N4BP2L2: variants seen among roughly 807,000 people sequenced by gnomAD.
The protein encoded by N4BP2L2 is NEDD4 binding protein 2 like 2, also known as NEDD4-binding protein 2-like 2.
N4BP2L2 carries 50 observed loss-of-function variants against 56.2 expected under a neutral mutation model. That is an observed-to-expected ratio of 0.89 (90% confidence interval 0.71 to 1.13). The LOEUF (loss-of-function observed/expected upper bound fraction) is 1.13, where lower values mean the gene tolerates loss of function less well. Among genes scored for constraint, N4BP2L2 ranks in the 50% most tolerant of loss-of-function variants. The pLI, the probability that N4BP2L2 is intolerant of heterozygous loss-of-function variation, is 0.00. For missense variants in N4BP2L2, 689 were observed against 693.8 expected (o/e 0.99, Z 0.08); for synonymous variants, 203 against 223.6 (o/e 0.91, Z 0.82).
At chr13:32,518,070 T>C (rs2049671390) in intron 5 of N4BP2L2, 67 bp from the exon 6 acceptor site, 3 of 1,420,214 alleles carry the variant, frequency 2.1e-6, no homozygotes, top group African/African-American at 1.4e-5. Flanking sequence ...TTAACTGTTT[T>C]AGAGAAAAAG....
intron 6 of N4BP2L2, among the ~76,000 whole-genome samples, chr13:32,470,897 C>G (rs2082170514): frequency 6.6e-6 from 1 of 152,228 alleles, no homozygotes; most frequent in Admixed American, 6.5e-5. Context: ...GAAGAACATC[C>G]TCCCATTCTT....
intron 3 of N4BP2L2, chr13:32,523,479 G>C (rs1401843778): frequency 6.7e-6 from 1 of 149,950 alleles, no homozygotes; most frequent in Non-Finnish European, 1.5e-5. Flanking sequence ...AAGGTCAGCA[G>C]TTCAAGACCA....
intron 3 of N4BP2L2, chr13:32,522,978 C>A (rs529157571): frequency 1.3e-5 from 2 of 152,322 alleles, no homozygotes; most frequent in African/African-American, 4.8e-5. Flanking sequence ...CATAGTTCAA[C>A]TGACTTTGTG....
chr13:32,523,084 TATGAG>T (rs890670018), intron 3 of N4BP2L2: 2 of 152,298 alleles, frequency 1.3e-5, no homozygotes, highest in East Asian at 3.9e-4. Context: ...TCTTTTGCAC[TATGAG>T]ATAAGAATCA....
At chr13:32,450,600 A>G (rs956480112) in intron 6 of N4BP2L2, among the ~76,000 whole-genome samples, 1 of 150,908 alleles carries the variant, frequency 6.6e-6, no homozygotes, top group Admixed American at 6.6e-5. Context: ...CTGGGATTAG[A>G]GGCGTGAGCC....
At chr13:32,517,357 G>C in exon 6 of N4BP2L2, 7 of 987,932 alleles carry the variant, frequency 7.1e-6, no homozygotes, top group Non-Finnish European at 8.4e-6. Context: ...CCTGTCTAAT[G>C]AATAGAGAAA....
downstream of N4BP2L2, chr13:32,507,707 T>C (rs1020314004): frequency 3.9e-5 from 6 of 152,120 alleles, no homozygotes; most frequent in African/African-American, 1.4e-4. Context: ...CCAGTATAGA[T>C]GGACTGTAGT....
intron 6 of N4BP2L2, among the ~76,000 whole-genome samples, chr13:32,471,916 A>G (rs2082376893): frequency 6.6e-6 from 1 of 152,246 alleles, no homozygotes; most frequent in South Asian, 2.1e-4. Context: ...ACAACCTCAC[A>G]AAACGATATC....
chr13:32,527,593 C>CCA (rs1304713677), intron 2 of N4BP2L2, 61 bp from the exon 3 acceptor site: 2 of 1,533,412 alleles, frequency 1.3e-6, no homozygotes, highest in African/African-American at 2.1e-5. Flanking sequence ...CAGAAATAAA[C>CCA]TATCAGAAAT....
chr13:32,436,933 T>C (rs1038124814), intron 8 of N4BP2L2, among the ~76,000 whole-genome samples: 1 of 151,254 alleles, frequency 6.6e-6, no homozygotes, highest in East Asian at 2.0e-4. Flanking sequence ...CAGGATGGAG[T>C]GCAGTGGCAC....
chr13:32,503,166 CTG>C (rs1430477319), intron 6 of N4BP2L2, among the ~76,000 whole-genome samples: 1 of 84,052 alleles, frequency 1.2e-5, no homozygotes, highest in Non-Finnish European at 2.1e-5. Flanking sequence ...GAGCAAGACT[CTG>C]TAGCAAAAAA....
At chr13:32,501,352 GA>G (rs1428922525) in intron 6 of N4BP2L2, among the ~76,000 whole-genome samples, 1 of 151,874 alleles carries the variant, frequency 6.6e-6, no homozygotes, top group Non-Finnish European at 1.5e-5. Flanking sequence ...GAAACAAGGG[GA>G]AAATGTCTCC....
intron 6 of N4BP2L2, among the ~76,000 whole-genome samples, chr13:32,467,674 T>C (rs2081471851): frequency 6.6e-6 from 1 of 151,698 alleles, no homozygotes; most frequent in Non-Finnish European, 1.5e-5. Flanking sequence ...AAAAAAATTG[T>C]TTGAGGGCTA....
At chr13:32,438,861 T>G in intron 7 of N4BP2L2, 1 of 645,276 alleles carries the variant, frequency 1.5e-6, no homozygotes, top group Non-Finnish European at 2.7e-6. Flanking sequence ...TTAAAGATAT[T>G]TCGGTGATGT....
intron 6 of N4BP2L2, among the ~76,000 whole-genome samples, chr13:32,448,938 C>T (rs1449180023): frequency 6.6e-6 from 1 of 152,108 alleles, no homozygotes; most frequent in Non-Finnish European, 1.5e-5. Context: ...GCAGTGGGAT[C>T]CCTCAGTTAG....
At chr13:32,451,799 C>A (rs1244844143) in intron 6 of N4BP2L2, among the ~76,000 whole-genome samples, 1 of 151,692 alleles carries the variant, frequency 6.6e-6, no homozygotes, top group African/African-American at 2.4e-5. Flanking sequence ...AATCCTCCTG[C>A]TGGGATTACA....
chr13:32,524,288 C>A (rs2051984853), intron 3 of N4BP2L2: 1 of 152,222 alleles, frequency 6.6e-6, no homozygotes, highest in Non-Finnish European at 1.5e-5. Flanking sequence ...TAAAATTATT[C>A]TCCTAATGTC....
intron 6 of N4BP2L2, among the ~76,000 whole-genome samples, chr13:32,469,667 G>A (rs1032491279): frequency 6.6e-6 from 1 of 152,246 alleles, no homozygotes; most frequent in African/African-American, 2.4e-5. Context: ...TCTCTGAGAC[G>A]AAGGAGCTGA....
chr13:32,433,864 G>GAGACTGC (rs1279589357), intron 9 of N4BP2L2, among the ~76,000 whole-genome samples: 1 of 142,134 alleles, frequency 7.0e-6, no homozygotes, highest in Non-Finnish European at 1.5e-5. Flanking sequence ...CAGGAAGGCA[G>GAGACTGC]AGACTGCAGT....
Sources: gnomAD v4.1 joint callset for allele counts (sites outside exome capture counted in the v4.1 genomes callset) on GRCh38, gnomAD v4.1.1 for gene constraint, MANE v1.5 for transcripts, NCBI Gene and HGNC (gene_info 2026-07-23, HGNC 2026-07-21) for gene names.